The following NRXN3 variants were observed in gnomAD, a reference collection of about 807,000 sequenced individuals.
The protein encoded by NRXN3 is neurexin III.
Under a neutral mutation model 137.6 loss-of-function variants are expected in NRXN3, and 32 were observed. The observed-to-expected ratio is 0.23, with a 90% confidence interval of 0.18 to 0.31. The LOEUF (loss-of-function observed/expected upper bound fraction) is 0.31, where lower values mean the gene tolerates loss of function less well. Among genes scored for constraint, NRXN3 ranks in the 10% least tolerant of loss-of-function variants. NRXN3 has a pLI of 1.00. For synonymous variants in NRXN3, 798 were observed against 784.5 expected (o/e 1.02, Z -0.29); for missense variants, 1,574 against 2,062.5 (o/e 0.76, Z 4.59).
intron 15 of NRXN3, among the ~76,000 whole-genome samples, chr14:79,293,332 T>G (rs1489901493): frequency 6.6e-6 from 1 of 152,190 alleles, no homozygotes; most frequent in Non-Finnish European, 1.5e-5. Flanking sequence ...AGGACTTTCT[T>G]TGGACTCAAA....
chr14:78,931,206 G>A (rs957237613), intron 10 of NRXN3, among the ~76,000 whole-genome samples: 1 of 151,948 alleles, frequency 6.6e-6, no homozygotes, highest in African/African-American at 2.4e-5. Context: ...AGATTATTTG[G>A]ATACAAAACT....
chr14:79,511,008 T>C (rs1470207734), intron 16 of NRXN3, among the ~76,000 whole-genome samples: 1 of 152,128 alleles, frequency 6.6e-6, no homozygotes, highest in East Asian at 1.9e-4. Context: ...CAAAAGAATG[T>C]TAACAACGTT....
intron 4 of NRXN3, among the ~76,000 whole-genome samples, chr14:78,368,454 T>C (rs968132308): frequency 2.0e-5 from 3 of 152,208 alleles, no homozygotes; most frequent in Non-Finnish European, 4.4e-5. Context: ...CTTACGCCTG[T>C]AATCCCAGCA....
At chr14:79,590,439 G>A (rs12881007) in intron 16 of NRXN3, among the ~76,000 whole-genome samples, 6,437 of 55,164 alleles carry the variant, frequency 0.12, 199 homozygotes, top group Non-Finnish European at 0.14. Context: ...AAAAAAAAAA[G>A]ATTATGATAG....
intron 17 of NRXN3, among the ~76,000 whole-genome samples, chr14:79,665,157 C>CGCT (rs879754377): frequency 6.6e-6 from 1 of 152,124 alleles, no homozygotes; most frequent in Non-Finnish European, 1.5e-5. Context: ...GAAGTATCTG[C>CGCT]GCTGTTGGGT....
intron 2 of NRXN3, among the ~76,000 whole-genome samples, 195 bp from the exon 3 acceptor site, chr14:78,278,450 G>A (rs1362047352): frequency 2.0e-5 from 3 of 152,152 alleles, no homozygotes; most frequent in East Asian, 3.9e-4. Context: ...TTGGCCCCTC[G>A]GCTTGCATGG....
intron 15 of NRXN3, among the ~76,000 whole-genome samples, chr14:79,032,617 A>G (rs965933172): frequency 6.6e-6 from 1 of 152,188 alleles, no homozygotes; most frequent in Non-Finnish European, 1.5e-5. Flanking sequence ...GCTAAGCCAC[A>G]CCATAACTGA....
chr14:78,451,158 A>C (rs1441993314), intron 4 of NRXN3, among the ~76,000 whole-genome samples: 1 of 152,174 alleles, frequency 6.6e-6, no homozygotes, highest in Admixed American at 6.5e-5. Context: ...TAACTCAAGC[A>C]CAGAGTGTGG....
intron 19 of NRXN3, among the ~76,000 whole-genome samples, chr14:79,774,169 T>G (rs2099089312): frequency 6.6e-6 from 1 of 152,116 alleles, no homozygotes; most frequent in African/African-American, 2.4e-5. Context: ...ACCAAAAGAT[T>G]AGTTATTTGG....
At chr14:78,908,568 CA>C (rs1321093103) in intron 10 of NRXN3, among the ~76,000 whole-genome samples, 1 of 151,926 alleles carries the variant, frequency 6.6e-6, no homozygotes, top group African/African-American at 2.4e-5. Flanking sequence ...GAGAGGTCTT[CA>C]AAAAGTTCCT....
intron 15 of NRXN3, among the ~76,000 whole-genome samples, chr14:79,287,988 C>T (rs1566680037): frequency 6.6e-6 from 1 of 152,130 alleles, no homozygotes; most frequent in Non-Finnish European, 1.5e-5. Flanking sequence ...CAAATGTTTT[C>T]CAGCACTGGA....
intron 2 of NRXN3, chr14:78,250,247 T>TA (rs1472548434): frequency 1.4e-5 from 5 of 347,484 alleles, no homozygotes; most frequent in South Asian, 6.6e-5. Context: ...ACAGGAATCA[T>TA]AAAAAATCGT....
chr14:78,930,783 T>A (rs1229749184), intron 10 of NRXN3, among the ~76,000 whole-genome samples: 3 of 152,138 alleles, frequency 2.0e-5, no homozygotes, highest in Non-Finnish European at 4.4e-5. Flanking sequence ...CAGGCTGTAG[T>A]GGTGACAGGT....
intron 1 of NRXN3, among the ~76,000 whole-genome samples, chr14:78,239,320 G>A (rs2066767662): frequency 6.6e-6 from 1 of 152,208 alleles, no homozygotes; most frequent in South Asian, 2.1e-4. Flanking sequence ...AGTTTGTGAT[G>A]CCCTGGAGGG....
At chr14:78,802,586 A>G (rs1353475228) in intron 8 of NRXN3, among the ~76,000 whole-genome samples, 1 of 152,216 alleles carries the variant, frequency 6.6e-6, no homozygotes, top group Non-Finnish European at 1.5e-5. Context: ...TAATAGAATC[A>G]CACTATAGTG....
chr14:79,139,423 T>G lies in NRXN3; in HGVS notation c.3262+151282T>G, dbSNP rs538282854. Among the ~76,000 whole-genome samples the G allele has an allele frequency of 4.6e-5, 7 of 152,266 alleles. No homozygotes were observed. The South Asian group carries it at 1.2e-3, about 27-fold the overall frequency. On this transcript the variant is annotated intron_variant, in intron 15 of 20. Transcript: ENST00000335750. ...TATAAGAAAAGGAAGTCAGTCCTAG[T>G]AAATAACACCATCCATATGAGATTT...
chr14:78,248,301 C>A (rs2068004764), intron 2 of NRXN3, among the ~76,000 whole-genome samples: 1 of 16,536 alleles, frequency 6.0e-5, no homozygotes, highest in Non-Finnish European at 3.2e-4. Context: ...CACCGCCCCC[C>A]GCCCCCCCCC....
At chr14:79,106,306 T>G (rs1422527298) in intron 15 of NRXN3, among the ~76,000 whole-genome samples, 1 of 151,810 alleles carries the variant, frequency 6.6e-6, no homozygotes, top group Non-Finnish European at 1.5e-5. Flanking sequence ...AATTCAAGAG[T>G]TGGAACCCAT....
At chr14:79,114,765 C>T (rs28547245) in intron 15 of NRXN3, among the ~76,000 whole-genome samples, 6,470 of 152,054 alleles carry the variant, frequency 0.043, 510 homozygotes, top group African/African-American at 0.15. Flanking sequence ...TGGGCTCAAG[C>T]GATGCTCCCA....
Sources: allele counts gnomAD v4.1 joint callset (sites outside exome capture counted in the v4.1 genomes callset), GRCh38; gene constraint gnomAD v4.1.1; transcripts MANE v1.5; gene names NCBI Gene and HGNC (gene_info 2026-07-23, HGNC 2026-07-21).